Variants in ARID1B observed in about 807,000 individuals in gnomAD.
ARID1B encodes AT-rich interactive domain-containing protein 1B.
In ARID1B, 30 loss-of-function variants were observed where a neutral mutation model predicts 212.3. That is an observed-to-expected ratio of 0.14 (90% CI 0.11 to 0.19). ARID1B has a LOEUF of 0.19. ARID1B is among the 10% of genes least tolerant of loss of function. ARID1B has a pLI of 1.00. For synonymous variants in ARID1B, 1,402 were observed against 1,301.7 expected, an observed-to-expected ratio of 1.08 and a Z score of -1.66; for missense variants, 2,891 against 3,204.0, an observed-to-expected ratio of 0.90 and a Z score of 2.36.
At chr6:157,077,170 A>G (rs1318489167) in intron 4 of ARID1B, among the ~76,000 whole-genome samples, 1 of 152,178 alleles carries the variant, frequency 6.6e-6, no homozygotes, top group Non-Finnish European at 1.5e-5. Context: ...TTTTGTTGTC[A>G]TTGTGTTATT....
intron 12 of ARID1B, among the ~76,000 whole-genome samples, chr6:157,182,711 C>G (rs1231433414): frequency 6.6e-6 from 1 of 152,164 alleles, no homozygotes; most frequent in Admixed American, 6.5e-5. Flanking sequence ...TTAGAGCTTG[C>G]CCATGACGCT....
At chr6:157,023,320 T>C (rs547203396) in intron 4 of ARID1B, 1 of 152,354 alleles carries the variant, frequency 6.6e-6, no homozygotes, top group African/African-American at 2.4e-5. Flanking sequence ...AGCTGCAATC[T>C]CTTTTAATAG....
chr6:157,021,992 C>G (rs531522984), intron 4 of ARID1B, among the ~76,000 whole-genome samples: 11 of 152,344 alleles, frequency 7.2e-5, no homozygotes, highest in African/African-American at 2.4e-4. Context: ...CTTTCCCCCT[C>G]TCAAAACCAC....
chr6:156,853,361 C>T (rs890404581), intron 2 of ARID1B, among the ~76,000 whole-genome samples: 2 of 152,164 alleles, frequency 1.3e-5, no homozygotes, highest in African/African-American at 4.8e-5. Context: ...TTTCCCACCG[C>T]GGGCATGAAA....
intron 1 of ARID1B, among the ~76,000 whole-genome samples, chr6:156,810,968 G>C (rs1369717721): frequency 6.6e-6 from 1 of 152,142 alleles, no homozygotes; most frequent in Non-Finnish European, 1.5e-5. Context: ...ACTCTGCTTG[G>C]GGTCGTAGAG....
chr6:157,027,536 G>A lies in ARID1B; in HGVS notation c.2248-57126G>A, dbSNP rs183075154. Among the ~76,000 whole-genome samples, 60 of 152,324 alleles carry A rather than the reference G, an allele frequency of 3.9e-4. No individual in the cohort carries two copies. In the Middle Eastern group the frequency reaches 0.017, roughly 43 times the overall value. On this transcript the variant is annotated intron_variant, in intron 4 of 19. Coordinates refer to ENST00000636930, the MANE Select transcript of ARID1B (RefSeq NM_001374828.1). ...AAGTGACAGAGTTGGGGGCAGGAAC[G>A]TTTGGACAGGGAACAGGGCAGCAGA... is the stretch of plus-strand genomic sequence containing the variant.
At position 156,999,836 on chromosome 6, in the gene ARID1B, A is replaced by G. The variant is rs184614923; in HGVS notation, c.2247+64260A>G. Among the ~76,000 whole-genome samples, 486 of 152,338 alleles carry G rather than the reference A, an allele frequency of 3.2e-3. 1 individual carries two copies. Among genetic ancestry groups the G allele is most frequent in the Admixed American group, 5.9e-3 (90 of 15,300 alleles). ...GCGTGAGCCACCATGCCCGGCCTAA[A>G]CACCCATTTCTAATAAAGCATGCCC... is the stretch of plus-strand genomic sequence containing the variant. On this transcript the variant is annotated intron_variant, in intron 4 of 19. Coordinates refer to ENST00000636930, the MANE Select transcript of ARID1B (RefSeq NM_001374828.1).
intron 1 of ARID1B, among the ~76,000 whole-genome samples, chr6:156,820,685 A>G (rs560439088): frequency 1.3e-5 from 2 of 152,336 alleles, no homozygotes; most frequent in South Asian, 4.2e-4. Context: ...ATTCTCACCC[A>G]GGTTTGTCTG....
At chr6:157,084,044 G>A (rs1784797609) in intron 4 of ARID1B, among the ~76,000 whole-genome samples, 1 of 151,200 alleles carries the variant, frequency 6.6e-6, no homozygotes, top group African/African-American at 2.4e-5. Flanking sequence ...TGAGGCAGGA[G>A]AATCGCTTGA....
rs772375225 is a variant in ARID1B at position 156,779,476 on chromosome 6, C to T, written c.1791+5C>T. On this transcript the variant is annotated splice_donor_5th_base_variant and intron_variant, in intron 1 of 19. Transcript: ENST00000636930. ...CCGACCATGGGCAGATCCCAGGTAACCCTCGCGCCAGCCGGGCCTGCTTCC... is the reference window on the plus strand; with the variant it reads ...CCGACCATGGGCAGATCCCAGGTAATCCTCGCGCCAGCCGGGCCTGCTTCC... The T allele has an allele frequency of 9.4e-6, 13 of 1,382,468 alleles. No homozygotes were observed. The highest frequency in any genetic ancestry group is 4.6e-5 in the South Asian group (3 of 65,584). The allele number at this position is 1,382,468 out of a possible 1,614,324, so 85.6% of individuals were successfully genotyped here.
chr6:157,051,250 G>T (rs1008969046), intron 4 of ARID1B, among the ~76,000 whole-genome samples: 5 of 152,194 alleles, frequency 3.3e-5, no homozygotes, highest in African/African-American at 1.2e-4. Context: ...GAGAGGTTAA[G>T]CTGAACGAAC....
At chr6:157,015,635 C>T (rs17088037) in intron 4 of ARID1B, among the ~76,000 whole-genome samples, 1,840 of 152,232 alleles carry the variant, frequency 0.012, 35 homozygotes, top group African/African-American at 0.042. Flanking sequence ...TAAAGGGGAC[C>T]CACTGTAGTT....
intron 2 of ARID1B, among the ~76,000 whole-genome samples, chr6:156,899,543 C>T (rs878863064): frequency 6.6e-6 from 1 of 152,136 alleles, no homozygotes; most frequent in Non-Finnish European, 1.5e-5. Flanking sequence ...ACCCAGGTCT[C>T]GGTTTGCTCA....
intron 1 of ARID1B, among the ~76,000 whole-genome samples, chr6:156,780,667 C>A (rs1468671305): frequency 1.3e-5 from 2 of 152,138 alleles, no homozygotes; most frequent in Admixed American, 6.5e-5. Flanking sequence ...CTATTACAAG[C>A]AAATGTAAGG....
chr6:156,882,380 TTCTG>T (rs1787169548), intron 2 of ARID1B, among the ~76,000 whole-genome samples: 1 of 152,206 alleles, frequency 6.6e-6, no homozygotes, highest in South Asian at 2.1e-4. Flanking sequence ...TGTTCAGAGA[TTCTG>T]TCTTATTCAT....
chr6:157,183,070 T>C (rs533804525), intron 12 of ARID1B, among the ~76,000 whole-genome samples: 81 of 152,296 alleles, frequency 5.3e-4, no homozygotes, highest in Middle Eastern at 6.8e-3. Context: ...GTTGCTGGAA[T>C]GTAGCTGGGT....
At chr6:157,126,675 T>C (rs1788155691) in intron 6 of ARID1B, among the ~76,000 whole-genome samples, 1 of 152,240 alleles carries the variant, frequency 6.6e-6, no homozygotes, top group Non-Finnish European at 1.5e-5. Context: ...AGATAATATC[T>C]AATTTAGTGC....
Position 157,208,502 on chromosome 6 carries a change from A to G in ARID1B, c.*611A>G, listed in dbSNP as rs1794620646. The stretch of plus-strand genomic sequence containing the variant: ...ATATGGTTCCATTAGGCTGGGAGCA[A>G]AAACAATGTTTTTTAAGATTGAGAA... On this transcript the variant is annotated 3_prime_UTR_variant, in exon 20 of 20. Coordinates refer to ENST00000636930, the MANE Select transcript of ARID1B (RefSeq NM_001374828.1). 4.3e-6 allele frequency: 1 copy of G among 233,256 alleles called. No individual in the cohort carries two copies. Among genetic ancestry groups the G allele is most frequent in the Non-Finnish European group, 8.5e-6 (1 of 117,896 alleles). The allele number at this position is 233,256 out of a possible 1,614,324, so 14.4% of individuals were successfully genotyped here. A position where few individuals can be genotyped will look rare whatever the true frequency, so the allele number is the denominator to read the frequency against.
intron 4 of ARID1B, among the ~76,000 whole-genome samples, chr6:157,018,369 C>A (rs1036204271): frequency 2.0e-5 from 3 of 152,042 alleles, no homozygotes; most frequent in African/African-American, 7.2e-5. Flanking sequence ...GCATGTGCCA[C>A]TACACCCAGC....
Sources: allele counts gnomAD v4.1 joint callset (sites outside exome capture counted in the v4.1 genomes callset), GRCh38; gene constraint gnomAD v4.1.1; transcripts MANE v1.5; gene names NCBI Gene and HGNC (gene_info 2026-07-23, HGNC 2026-07-21).